Variants in TMPRSS11F observed in about 807,000 individuals in gnomAD.
TMPRSS11F encodes the protein transmembrane serine protease 11F, also known as transmembrane protease serine 11F.
Under a neutral mutation model 60.2 loss-of-function variants are expected in TMPRSS11F, and 47 were observed. The observed-to-expected ratio is 0.78, with a 90% CI of 0.62 to 1.00. The LOEUF (loss-of-function observed/expected upper bound fraction) is 1.00. Ranked by LOEUF, TMPRSS11F falls within the 50% of genes least tolerant of loss-of-function variation. The pLI is 0.00. For synonymous variants in TMPRSS11F, 166 were observed against 167.3 expected, an observed-to-expected ratio of 0.99 and a Z score of 0.06; for missense variants, 519 against 522.9, an observed-to-expected ratio of 0.99 and a Z score of 0.07.
At chr4:68,122,458 T>C (rs1400151412) in intron 1 of TMPRSS11F, among the ~76,000 whole-genome samples, 1 of 152,148 alleles carries the variant, frequency 6.6e-6, no homozygotes, top group Admixed American at 6.5e-5. Context: ...TACCAATATT[T>C]CATTAAGTAT....
chr4:68,066,859 G>A (rs1379384914), intron 7 of TMPRSS11F, among the ~76,000 whole-genome samples: 11 of 151,552 alleles, frequency 7.3e-5, no homozygotes, highest in East Asian at 3.9e-4. Context: ...GCGTGAACCC[G>A]GGAGGCAGAG....
intron 1 of TMPRSS11F, among the ~76,000 whole-genome samples, chr4:68,103,227 G>T (rs562646051): frequency 6.6e-6 from 1 of 152,070 alleles, no homozygotes; most frequent in African/African-American, 2.4e-5. Context: ...GATCACTTCA[G>T]TCCAGGAGTT....
At chr4:68,079,151 CT>C (rs1560399093) in intron 3 of TMPRSS11F, among the ~76,000 whole-genome samples, 1 of 149,116 alleles carries the variant, frequency 6.7e-6, no homozygotes, top group Non-Finnish European at 1.5e-5. Flanking sequence ...TGGACTGATT[CT>C]TTTGTTTAAA....
intron 1 of TMPRSS11F, among the ~76,000 whole-genome samples, chr4:68,111,833 G>T (rs936066247): frequency 6.6e-6 from 1 of 152,002 alleles, no homozygotes; most frequent in African/African-American, 2.4e-5. Flanking sequence ...GACAAGTATT[G>T]GAACCAAGAT....
chr4:68,129,681 A>T, intron 1 of TMPRSS11F, 129 bp downstream of exon 1: 1 of 767,686 alleles, frequency 1.3e-6, no homozygotes, highest in Non-Finnish European at 2.0e-6. Context: ...AATATAAAAT[A>T]CAATAACACA....
chr4:68,095,788 T>C (rs28834452), intron 2 of TMPRSS11F, among the ~76,000 whole-genome samples: 63,776 of 148,802 alleles, frequency 0.43, 14,257 homozygotes, highest in Non-Finnish European at 0.52. Context: ...CCCAGCTACT[T>C]GGGAGGCTGA....
chr4:68,099,201 G>A (rs1432905001), intron 1 of TMPRSS11F, among the ~76,000 whole-genome samples, 163 bp from the exon 2 acceptor site: 1 of 152,182 alleles, frequency 6.6e-6, no homozygotes, highest in African/African-American at 2.4e-5. Flanking sequence ...ATCCTCCCCC[G>A]CAAAAACCCA....
At position 68,062,968 on chromosome 4, in the gene TMPRSS11F, G is replaced by A. The variant is rs368184674; in HGVS notation, c.1015+1717C>T. ...TAATGAGAATTTCTGGAACTGACCC[G>A]TCTTCGAGAGACTGACATGCGGATG... On this transcript the variant is annotated intron_variant, in intron 8 of 9. Transcript: ENST00000356291. 99 of 723,524 alleles carry A rather than the reference G, an allele frequency of 1.4e-4. No individual in the cohort carries two copies. In the African/African-American group the frequency reaches 1.4e-3, roughly 11 times the overall value. The allele number at this position is 723,524 out of a possible 1,614,324, so 44.8% of individuals were successfully genotyped here.
intron 3 of TMPRSS11F, among the ~76,000 whole-genome samples, chr4:68,078,883 C>T (rs1294502041): frequency 1.3e-5 from 2 of 151,972 alleles, no homozygotes; most frequent in African/African-American, 4.8e-5. Context: ...TTTTGTATCT[C>T]TAGCACATCT....
intron 3 of TMPRSS11F, 128 bp downstream of exon 3, chr4:68,090,395 T>C (rs915599672): frequency 3.0e-6 from 4 of 1,346,368 alleles, no homozygotes; most frequent in Non-Finnish European, 2.9e-6. Context: ...CACAACTGTA[T>C]GACTTACATA....
At chr4:68,057,245 A>G (rs1480282265) in intron 9 of TMPRSS11F, among the ~76,000 whole-genome samples, 2 of 149,520 alleles carry the variant, frequency 1.3e-5, no homozygotes, top group Non-Finnish European at 3.0e-5. Context: ...AGATCGTACC[A>G]CTGCACTCCA....
intron 1 of TMPRSS11F, among the ~76,000 whole-genome samples, chr4:68,100,619 G>A (rs116214224): frequency 4.6e-5 from 7 of 152,186 alleles, no homozygotes; most frequent in Non-Finnish European, 8.8e-5. Context: ...GGCAAGATGA[G>A]GAATATTAAA....
intron 3 of TMPRSS11F, among the ~76,000 whole-genome samples, chr4:68,076,624 G>C (rs1048141252): frequency 2.0e-5 from 3 of 152,156 alleles, no homozygotes; most frequent in Non-Finnish European, 4.4e-5. Flanking sequence ...AAGAGAAAAG[G>C]TTTTGAAAGA....
chr4:68,121,714 C>T (rs1438965823), intron 1 of TMPRSS11F, among the ~76,000 whole-genome samples: 1 of 152,114 alleles, frequency 6.6e-6, no homozygotes, highest in Non-Finnish European at 1.5e-5. Context: ...ATTTTGCAAT[C>T]CAGTTCAGGG....
chr4:68,080,599 G>A (rs988460559), intron 3 of TMPRSS11F: 4 of 152,202 alleles, frequency 2.6e-5, no homozygotes, highest in South Asian at 2.1e-4. Flanking sequence ...TAATTTCTGG[G>A]AAGAATCACC....
intron 1 of TMPRSS11F, among the ~76,000 whole-genome samples, chr4:68,125,466 A>G (rs1363841540): frequency 6.6e-6 from 1 of 152,168 alleles, no homozygotes; most frequent in South Asian, 2.1e-4. Flanking sequence ...AAAATATAAT[A>G]CACAGAATCT....
chr4:68,076,529 A>G (rs144880937), intron 3 of TMPRSS11F, among the ~76,000 whole-genome samples: 1 of 152,168 alleles, frequency 6.6e-6, no homozygotes, highest in South Asian at 2.1e-4. Context: ...TGGGGTAGCT[A>G]TAGTCTCTTT....
chr4:68,067,765 G>A (rs969623532), intron 7 of TMPRSS11F, among the ~76,000 whole-genome samples: 1 of 152,198 alleles, frequency 6.6e-6, no homozygotes, highest in Non-Finnish European at 1.5e-5. Flanking sequence ...CCCTTAGAAG[G>A]ATGATAAAGC....
rs761149677 is a variant in TMPRSS11F, at chr4:68,073,923, A to G, written c.350+19T>C. 15 of 1,521,694 alleles carry G rather than the reference A, an allele frequency of 9.9e-6. No homozygotes were observed. In the East Asian group the frequency reaches 3.5e-4, roughly 35 times the overall value. 94.3% of individuals were successfully genotyped at this position (1,521,694 alleles called of 1,614,324 possible). Reference sequence around the variant, plus strand: ...ATCTTAACAGTATTAACTTGAAATTATAAACCAAATTTACATACCTTAATT... The same window carrying G: ...ATCTTAACAGTATTAACTTGAAATTGTAAACCAAATTTACATACCTTAATT... On this transcript the variant is annotated intron_variant, in intron 4 of 9. Coordinates refer to ENST00000356291, the MANE Select transcript of TMPRSS11F (RefSeq NM_207407.2).
Sources: allele counts gnomAD v4.1 joint callset (sites outside exome capture counted in the v4.1 genomes callset), GRCh38; gene constraint gnomAD v4.1.1; transcripts MANE v1.5; gene names NCBI Gene and HGNC (gene_info 2026-07-23, HGNC 2026-07-21).